The following SCUBE2 variants were observed in gnomAD, a reference collection of about 807,000 sequenced individuals.
SCUBE2 encodes signal peptide, CUB and EGF-like domain-containing protein 2.
A neutral mutation model predicts 125.9 loss-of-function variants in SCUBE2; 114 were observed. The observed-to-expected ratio is 0.91, with a 90% CI of 0.78 to 1.06. SCUBE2 has a LOEUF of 1.06. Among genes scored for constraint, SCUBE2 ranks in the 50% least tolerant of loss-of-function variants. SCUBE2 has a pLI of 0.00. For synonymous variants in SCUBE2, 459 were observed against 492.9 expected, an observed-to-expected ratio of 0.93 and a Z score of 0.91; for missense variants, 1,255 against 1,301.8, an observed-to-expected ratio of 0.96 and a Z score of 0.55.
intron 16 of SCUBE2, among the ~76,000 whole-genome samples, chr11:9,046,617 C>T (rs771862911): frequency 3.3e-5 from 5 of 152,198 alleles, no homozygotes; most frequent in Non-Finnish European, 7.3e-5. Flanking sequence ...AGGGCAGCCA[C>T]AGCCAACTCT....
Position 9,091,543 on chromosome 11 carries a change from TTGCGGGCAGAGGCGGCGGAG to T in SCUBE2, c.-35_-16del, listed in dbSNP as rs1376331271. 1.5e-5 allele frequency: 10 copies of T among 665,936 alleles called. No individual in the cohort carries two copies. Among genetic ancestry groups the T allele is most frequent in the African/African-American group, 9.6e-5 (5 of 51,914 alleles). 41.3% of individuals were successfully genotyped at this position (665,936 alleles called of 1,614,324 possible). The stretch of plus-strand genomic sequence containing the variant: ...GCGACCCCCATGGATGGCTCAGCGG[TTGCGGGCAGAGGCGGCGGAG>T]TGCGGGCGGTGGCGGCGGCGGCGCG... On this transcript the variant is annotated 5_prime_UTR_variant, in exon 1 of 23. Coordinates refer to ENST00000649792, the MANE Select transcript of SCUBE2 (RefSeq NM_001367977.2). This position sits in a 1 kb window ranked among gnomAD's most constrained non-coding sequence, Gnocchi z 8.5.
intron 2 of SCUBE2, among the ~76,000 whole-genome samples, chr11:9,085,244 G>A (rs971935651): frequency 6.6e-6 from 1 of 152,228 alleles, no homozygotes. Flanking sequence ...TTTGAATAAA[G>A]TTTGTAGTTT....
intron 7 of SCUBE2, among the ~76,000 whole-genome samples, chr11:9,061,546 G>A (rs964798350): frequency 4.1e-5 from 6 of 146,334 alleles, no homozygotes; most frequent in African/African-American, 5.1e-5. Flanking sequence ...GCAATACAGC[G>A]AGACCCTGTC....
At chr11:9,053,017 C>A in intron 12 of SCUBE2, 82 bp downstream of exon 12, 1 of 1,302,298 alleles carries the variant, frequency 7.7e-7, no homozygotes, top group Admixed American at 1.8e-5. Context: ...CCTGGAAGCC[C>A]TTTGAGGGAA....
chr11:9,025,135 T>A (rs1855616331), intron 21 of SCUBE2, among the ~76,000 whole-genome samples: 1 of 152,140 alleles, frequency 6.6e-6, no homozygotes, highest in Admixed American at 6.5e-5. Flanking sequence ...CACCTCTTCA[T>A]CTAACATGAA....
At chr11:9,043,414 T>C (rs1857417550) in intron 16 of SCUBE2, among the ~76,000 whole-genome samples, 1 of 152,208 alleles carries the variant, frequency 6.6e-6, no homozygotes, top group Admixed American at 6.5e-5. Context: ...TGAAGAACTT[T>C]ATGAAGTACT....
intron 2 of SCUBE2, among the ~76,000 whole-genome samples, chr11:9,084,485 G>A (rs1861900951): frequency 6.6e-6 from 1 of 151,900 alleles, no homozygotes; most frequent in Non-Finnish European, 1.5e-5. Flanking sequence ...ACAGGATATT[G>A]GCCTCAAAGT....
rs1330959105 is a variant in SCUBE2, at chr11:9,066,730, A to T, written c.727T>A (p.Tyr243Asn). ...DGPECSCHPQ[Y>N]KMHTDGRSCL... The stretch of plus-strand genomic sequence containing the variant: ...CTCCTCCCATCTGTGTGCATCTTGT[A>T]CTGTGGATGGCAGCTGCACTCTGGG... Residue 243 changes from tyrosine (Y) to asparagine (N), a missense_variant, in exon 6 of 23, where the codon TAC (tyrosine) becomes AAC (asparagine). Tyr to Asn is a moderately radical substitution (Grantham distance 143). Around this residue, in one of 3 missense-constraint regions of SCUBE2, gnomAD observed 362 missense variants for 323.0 expected, o/e 1.12. Coordinates refer to ENST00000649792, the MANE Select transcript of SCUBE2 (RefSeq NM_001367977.2). 6.2e-7 allele frequency: 1 copy of T among 1,614,180 alleles called. No homozygotes were observed. Among genetic ancestry groups the T allele is most frequent in the Admixed American group, 1.7e-5 (1 of 60,022 alleles).
rs770268632 is a variant in SCUBE2 at position 9,066,689 on chromosome 11, C to A, written c.760+8G>T. The A allele has an allele frequency of 5.0e-6, 8 of 1,610,330 alleles. No individual in the cohort carries two copies. The highest frequency in any genetic ancestry group is 6.8e-6 in the Non-Finnish European group (8 of 1,176,744). ...AGACCCTCACTCAGTGTTGGGGTTG[C>A]CACTCACCAAGGCAGCTCCTCCCAT... On this transcript the variant is annotated splice_region_variant and intron_variant, in intron 6 of 22. Transcript: ENST00000649792.
intron 5 of SCUBE2, among the ~76,000 whole-genome samples, chr11:9,067,867 G>A (rs7108310): frequency 0.21 from 3,912 of 19,032 alleles, 233 homozygotes; most frequent in African/African-American, 0.39. Context: ...CCACCCCCCC[G>A]CCCCCTTCAG....
chr11:9,061,545 C>T (rs940421563), intron 7 of SCUBE2, among the ~76,000 whole-genome samples: 9 of 144,452 alleles, frequency 6.2e-5, no homozygotes, highest in East Asian at 4.0e-4. Flanking sequence ...AGCAATACAG[C>T]GAGACCCTGT....
At chr11:9,023,300 A>G (rs1468987904) in intron 21 of SCUBE2, among the ~76,000 whole-genome samples, 1 of 152,260 alleles carries the variant, frequency 6.6e-6, no homozygotes, top group African/African-American at 2.4e-5. Context: ...AAGTAATGGT[A>G]TAATAGTCAC....
chr11:9,079,542 T>G, intron 2 of SCUBE2, 33 bp from the exon 3 acceptor site: 1 of 1,605,858 alleles, frequency 6.2e-7, no homozygotes, highest in Non-Finnish European at 8.5e-7. Flanking sequence ...ACCAGACAGG[T>G]GCTATTTCTT....
At chr11:9,068,673 T>G (rs915318625) in intron 5 of SCUBE2, among the ~76,000 whole-genome samples, 1 of 152,174 alleles carries the variant, frequency 6.6e-6, no homozygotes, top group Non-Finnish European at 1.5e-5. Context: ...AGACCAGGGT[T>G]TGAACACTCA....
chr11:9,022,369 C>G (rs1855378287), intron 21 of SCUBE2, among the ~76,000 whole-genome samples: 1 of 152,142 alleles, frequency 6.6e-6, no homozygotes, highest in South Asian at 2.1e-4. Context: ...TTAAAAATCC[C>G]TCCCTTGACC....
At chr11:9,072,225 T>C (rs936001393) in intron 4 of SCUBE2, among the ~76,000 whole-genome samples, 8 of 152,118 alleles carry the variant, frequency 5.3e-5, no homozygotes, top group Non-Finnish European at 7.4e-5. Flanking sequence ...TTTTGTTTTA[T>C]TGAGGTGGAG....
At chr11:9,061,650 A>G (rs1859701589) in intron 7 of SCUBE2, among the ~76,000 whole-genome samples, 1 of 152,200 alleles carries the variant, frequency 6.6e-6, no homozygotes, top group African/African-American at 2.4e-5. Context: ...ATGTATGTTT[A>G]TCTCTGTTCC....
At chr11:9,086,258 T>C (rs948938242) in intron 2 of SCUBE2, among the ~76,000 whole-genome samples, 2 of 152,230 alleles carry the variant, frequency 1.3e-5, no homozygotes, top group Admixed American at 1.3e-4. Context: ...GGCTCACACA[T>C]TTCTCCAACA....
In SCUBE2 at chr11:9,091,308, C is replaced by A; in HGVS notation, c.133+88G>T. The A allele has an allele frequency of 1.0e-6, 1 of 972,562 alleles. No individual in the cohort carries two copies. The highest frequency in any genetic ancestry group is 1.3e-6 in the Non-Finnish European group (1 of 759,200). The allele number at this position is 972,562 out of a possible 1,614,324, so 60.2% of individuals were successfully genotyped here. Reference sequence around the variant, plus strand: ...GCAGCCGCCAGCCCCGAGCCCCGCGCGCCCGGCTCTGGACTCCGCCGGGGA... The same window carrying A: ...GCAGCCGCCAGCCCCGAGCCCCGCGAGCCCGGCTCTGGACTCCGCCGGGGA... On this transcript the variant is annotated intron_variant, in intron 1 of 22. Coordinates refer to ENST00000649792, the MANE Select transcript of SCUBE2 (RefSeq NM_001367977.2). This position sits in a 1 kb window ranked among gnomAD's most constrained non-coding sequence, Gnocchi z 8.5.
Sources: gnomAD v4.1 joint callset for allele counts (sites outside exome capture counted in the v4.1 genomes callset) on GRCh38, gnomAD v4.1.1 for gene constraint, gnomAD v4.1.1 regional missense constraint, Gnocchi (gnomAD v3.1) non-coding constraint, MANE v1.5 for transcripts, NCBI Gene and HGNC (gene_info 2026-07-23, HGNC 2026-07-21) for gene names.